Variants in ARMH3 observed in about 807,000 individuals in gnomAD.
ARMH3 encodes the protein armadillo-like helical domain-containing protein 3.
Under a neutral mutation model 99.1 loss-of-function variants are expected in ARMH3, and 60 were observed. The observed-to-expected ratio is 0.61, with a 90% CI of 0.49 to 0.75. ARMH3 has a LOEUF of 0.75. Among genes scored for constraint, ARMH3 ranks in the 30% least tolerant of loss-of-function variants. The pLI is 0.00. For synonymous variants in ARMH3, 285 were observed against 292.8 expected (o/e 0.97, Z 0.27); for missense variants, 679 against 843.1 (o/e 0.81, Z 2.41).
Position 102,033,049 on chromosome 10 carries a change from T to C in ARMH3, c.283A>G (p.Ile95Val), listed in dbSNP as rs760122074. The change falls in exon 4 of 26, where the codon ATT (isoleucine) becomes GTT (valine). Residue 95 changes from isoleucine (I) to valine (V), a missense_variant. Around this residue, in one of 3 missense-constraint regions of ARMH3, gnomAD observed 280 missense variants for 354.6 expected, o/e 0.79. Coordinates refer to ENST00000370033, the MANE Select transcript of ARMH3 (RefSeq NM_024541.3). ...ACCTGCAATGCATTGACAACCCGAA[T>C]TGGATGCTCCTCTCCCAGAGCCTGG... ...CIQALGEEHP[I>V]RVVNALQTLC... The C allele has an allele frequency of 3.7e-6, 6 of 1,614,190 alleles. No individual in the cohort carries two copies. Among genetic ancestry groups the C allele is most frequent in the East Asian group, 2.2e-5 (1 of 44,888 alleles).
chr10:102,041,268 G>A (rs1016895844), intron 1 of ARMH3, among the ~76,000 whole-genome samples: 1 of 150,536 alleles, frequency 6.6e-6, no homozygotes, highest in Non-Finnish European at 1.5e-5. Flanking sequence ...GGTCTTTACT[G>A]CGAATTTACA....
chr10:101,993,549 A>C lies in ARMH3; in HGVS notation c.1264T>G (p.Leu422Val), dbSNP rs772356794. Reference protein sequence around the residue: ...HDDNMNFRVNLHRMPMRHRKK... With the variant: ...HDDNMNFRVNVHRMPMRHRKK... ...AAAGAAACACCTACCATTCTATGTA[A>C]GTTTACTCGAAAATTCATGTTGTCA... Residue 422 changes from leucine (L) to valine (V), a missense_variant, in exon 17 of 26, where the codon TTA becomes GTA. By Grantham distance (32) the Leu-to-Val change is conservative. Around this residue, in one of 3 missense-constraint regions of ARMH3, gnomAD observed 389 missense variants for 456.5 expected, o/e 0.85. Coordinates refer to ENST00000370033, the MANE Select transcript of ARMH3 (RefSeq NM_024541.3). The C allele has an allele frequency of 6.3e-7, 1 of 1,599,634 alleles. No homozygotes were observed. Among genetic ancestry groups the C allele is most frequent in the Non-Finnish European group, 8.5e-7 (1 of 1,174,054 alleles).
intron 15 of ARMH3, among the ~76,000 whole-genome samples, chr10:101,997,374 A>G (rs1847109105): frequency 1.3e-5 from 2 of 151,954 alleles, no homozygotes; most frequent in Admixed American, 1.3e-4. Flanking sequence ...CGGGTGGATC[A>G]CAAGGTCAGG....
intron 23 of ARMH3, among the ~76,000 whole-genome samples, chr10:101,916,804 C>G (rs926452698): frequency 2.0e-5 from 3 of 152,144 alleles, no homozygotes; most frequent in Admixed American, 6.5e-5. Context: ...TGAAAGCCCA[C>G]CTGAATAGAA....
At chr10:101,885,602 G>A (rs1385470080) in intron 24 of ARMH3, among the ~76,000 whole-genome samples, 1 of 152,146 alleles carries the variant, frequency 6.6e-6, no homozygotes, top group African/African-American at 2.4e-5. Flanking sequence ...GTAGAACAGT[G>A]GTTATCAGGG....
chr10:101,988,511 C>A (rs1040132223), intron 19 of ARMH3, among the ~76,000 whole-genome samples: 5 of 152,210 alleles, frequency 3.3e-5, no homozygotes, highest in Middle Eastern at 3.2e-3. Flanking sequence ...ATCAGACTTA[C>A]TTCTAAACAC....
chr10:101,978,814 G>A (rs975048333), intron 19 of ARMH3, among the ~76,000 whole-genome samples: 5 of 151,878 alleles, frequency 3.3e-5, no homozygotes, highest in South Asian at 4.2e-4. Context: ...GGTGGCAGGC[G>A]CCTGTAATCC....
intron 22 of ARMH3, among the ~76,000 whole-genome samples, chr10:101,945,092 G>A (rs144859865): frequency 5.8e-4 from 88 of 152,268 alleles, no homozygotes; most frequent in African/African-American, 2.0e-3. Context: ...TGAGGGCTCT[G>A]AAAATTAAAC....
At chr10:101,954,028 C>T (rs1010769790) in intron 22 of ARMH3, among the ~76,000 whole-genome samples, 1 of 152,072 alleles carries the variant, frequency 6.6e-6, no homozygotes, top group African/African-American at 2.4e-5. Flanking sequence ...CCTGTCTCTA[C>T]TAAAAATACA....
chr10:101,886,666 G>A (rs1406450029), intron 24 of ARMH3, among the ~76,000 whole-genome samples: 2 of 152,108 alleles, frequency 1.3e-5, no homozygotes, highest in African/African-American at 2.4e-5. Context: ...GAAAGGCTGG[G>A]CTTTGTTTAA....
chr10:101,962,952 G>T (rs182463232), intron 20 of ARMH3, among the ~76,000 whole-genome samples: 13 of 150,794 alleles, frequency 8.6e-5, no homozygotes, highest in Admixed American at 6.6e-4. Flanking sequence ...TATAAGCTCA[G>T]AGTACATGTC....
intron 20 of ARMH3, among the ~76,000 whole-genome samples, chr10:101,973,359 C>CAAA (rs56712768): frequency 5.0e-5 from 4 of 80,126 alleles, no homozygotes; most frequent in Non-Finnish European, 5.2e-5. Context: ...GACTCCGTCT[C>CAAA]AAAAAAAAAA....
intron 24 of ARMH3, among the ~76,000 whole-genome samples, chr10:101,862,645 A>G (rs2066900336): frequency 6.6e-6 from 1 of 152,204 alleles, no homozygotes; most frequent in African/African-American, 2.4e-5. Flanking sequence ...TATAGCAACC[A>G]CTAAAAAAAG....
intron 20 of ARMH3, among the ~76,000 whole-genome samples, chr10:101,965,980 T>C (rs764211132): frequency 6.6e-6 from 1 of 152,118 alleles, no homozygotes; most frequent in Non-Finnish European, 1.5e-5. Context: ...GCAGATAGAA[T>C]ATAGAAGAGT....
chr10:101,859,517 G>C (rs1192484427), intron 24 of ARMH3, among the ~76,000 whole-genome samples: 1 of 152,206 alleles, frequency 6.6e-6, no homozygotes, highest in African/African-American at 2.4e-5. Flanking sequence ...GAATGGGAGA[G>C]GATGTCACTC....
In ARMH3 at chr10:101,920,765, G is replaced by A. The variant is rs4281423; in HGVS notation, c.1781+19098C>T. On this transcript the variant is annotated intron_variant, in intron 23 of 25. Transcript: ENST00000370033. ...ACCCAAGGGTCACCAACAGATAACT[G>A]GATAAACAAAATGTGGTATATACAT... is the stretch of plus-strand genomic sequence containing the variant. Among the ~76,000 whole-genome samples, 1,416 of 152,086 alleles carry A rather than the reference G, an allele frequency of 9.3e-3. 16 individuals carry two copies. The highest frequency in any genetic ancestry group is 0.032 in the African/African-American group (1,344 of 41,464).
chr10:101,971,424 G>C (rs1845767733), intron 20 of ARMH3, among the ~76,000 whole-genome samples: 1 of 152,056 alleles, frequency 6.6e-6, no homozygotes, highest in Admixed American at 6.6e-5. Context: ...ACAAAAGTTA[G>C]CCAGGCATAA....
intron 22 of ARMH3, 152 bp downstream of exon 22, chr10:101,956,445 C>A (rs1845040598): frequency 2.0e-6 from 2 of 977,200 alleles, no homozygotes; most frequent in African/African-American, 1.7e-5. Context: ...CCCACATGTA[C>A]CTTCCTATTG....
At chr10:102,042,868 T>C (rs1258167721) in intron 1 of ARMH3, among the ~76,000 whole-genome samples, 4 of 152,020 alleles carry the variant, frequency 2.6e-5, no homozygotes, top group Admixed American at 2.0e-4. Flanking sequence ...AGGTTGGGAG[T>C]TCGAGATCAG....
Sources: allele counts gnomAD v4.1 joint callset (sites outside exome capture counted in the v4.1 genomes callset), GRCh38; gene constraint gnomAD v4.1.1; regional missense constraint gnomAD v4.1.1; transcripts MANE v1.5; gene names NCBI Gene and HGNC (gene_info 2026-07-23, HGNC 2026-07-21).